FGF12: variants seen among roughly 807,000 people sequenced by gnomAD.
FGF12 encodes fibroblast growth factor 12, also known as fibroblast growth factor 12B.
A neutral mutation model predicts 23.6 loss-of-function variants in FGF12; 14 were observed. The observed-to-expected ratio is 0.59, with a 90% CI of 0.39 to 0.93. The LOEUF is 0.93. Among genes scored for constraint, FGF12 ranks in the 40% least tolerant of loss-of-function variants. FGF12 has a pLI of 0.00. For synonymous variants in FGF12, 62 were observed against 77.3 expected (o/e 0.80, Z 1.04); for missense variants, 175 against 217.8 (o/e 0.80, Z 1.24).
At chr3:192,229,522 A>G (rs935410158) in intron 4 of FGF12, among the ~76,000 whole-genome samples, 2 of 152,028 alleles carry the variant, frequency 1.3e-5, no homozygotes, top group Non-Finnish European at 2.9e-5. Context: ...ATTTTTCAGA[A>G]ACTCTAAAAT....
At chr3:192,434,660 A>G (rs1341276332) in intron 2 of FGF12, among the ~76,000 whole-genome samples, 11 of 152,178 alleles carry the variant, frequency 7.2e-5, no homozygotes, top group Admixed American at 7.2e-4. Flanking sequence ...CCTTGATTAC[A>G]GTTAGAGTCT....
At chr3:192,547,658 A>G (rs966048389) in intron 2 of FGF12, among the ~76,000 whole-genome samples, 1 of 152,216 alleles carries the variant, frequency 6.6e-6, no homozygotes, top group African/African-American at 2.4e-5. Flanking sequence ...CTGAATTCAC[A>G]ACTGAATCCA....
At chr3:192,556,611 C>T (rs1711786320) in intron 2 of FGF12, among the ~76,000 whole-genome samples, 1 of 152,046 alleles carries the variant, frequency 6.6e-6, no homozygotes, top group African/African-American at 2.4e-5. Flanking sequence ...ATGGACCAAA[C>T]ATACAGAGAA....
At chr3:192,510,900 A>G (rs940632879) in intron 2 of FGF12, among the ~76,000 whole-genome samples, 35 of 152,356 alleles carry the variant, frequency 2.3e-4, no homozygotes, top group African/African-American at 8.2e-4. Flanking sequence ...TATTCCAACC[A>G]TATGGCATTC....
intron 2 of FGF12, among the ~76,000 whole-genome samples, chr3:192,510,668 G>C (rs550817981): frequency 1.3e-5 from 2 of 152,286 alleles, no homozygotes; most frequent in East Asian, 1.9e-4. Context: ...ACATGCACAA[G>C]GATGTTTATA....
At chr3:192,538,371 T>C (rs1452373545) in intron 2 of FGF12, among the ~76,000 whole-genome samples, 1 of 152,218 alleles carries the variant, frequency 6.6e-6, no homozygotes, top group African/African-American at 2.4e-5. Context: ...TTATTGAAGA[T>C]ATTGTCTTTT....
intron 3 of FGF12, among the ~76,000 whole-genome samples, chr3:192,355,310 T>C (rs1311464703): frequency 6.6e-6 from 1 of 152,222 alleles, no homozygotes; most frequent in Non-Finnish European, 1.5e-5. Flanking sequence ...ATCTTGCAGA[T>C]ATACATTTTA....
At chr3:192,533,547 A>AC (rs1280902263) in intron 2 of FGF12, among the ~76,000 whole-genome samples, 1 of 152,238 alleles carries the variant, frequency 6.6e-6, no homozygotes, top group Non-Finnish European at 1.5e-5. Context: ...GAAAAACAAC[A>AC]ACACACACAG....
At chr3:192,696,605 T>C (rs74734698) in intron 2 of FGF12, among the ~76,000 whole-genome samples, 6,184 of 152,238 alleles carry the variant, frequency 0.041, 446 homozygotes, top group African/African-American at 0.14. Context: ...GTATGAAGCC[T>C]GACTTCACTA....
At chr3:192,322,707 A>G (rs1035388927) in intron 4 of FGF12, among the ~76,000 whole-genome samples, 1 of 152,142 alleles carries the variant, frequency 6.6e-6, no homozygotes, top group African/African-American at 2.4e-5. Context: ...ACCTCTACAG[A>G]GAACTCATTT....
chr3:192,415,776 A>ACACACT (rs1048145236), intron 2 of FGF12, among the ~76,000 whole-genome samples: 4,417 of 142,634 alleles, frequency 0.031, 74 homozygotes, highest in East Asian at 0.061. Flanking sequence ...ACACACACAC[A>ACACACT]CTCATGTTCA....
At chr3:192,359,815 C>T (rs1374968041) in intron 3 of FGF12, among the ~76,000 whole-genome samples, 4 of 151,354 alleles carry the variant, frequency 2.6e-5, no homozygotes, top group African/African-American at 9.7e-5. Context: ...TTTTTAAATT[C>T]CATTTCAGGT....
At chr3:192,275,237 GT>G (rs375148953) in intron 4 of FGF12, among the ~76,000 whole-genome samples, 3 of 152,054 alleles carry the variant, frequency 2.0e-5, no homozygotes, top group African/African-American at 7.2e-5. Context: ...CCAAAACTAA[GT>G]TGTTTATTTG....
intron 2 of FGF12, among the ~76,000 whole-genome samples, chr3:192,488,307 T>C (rs1723697597): frequency 6.6e-6 from 1 of 152,028 alleles, no homozygotes; most frequent in Non-Finnish European, 1.5e-5. Context: ...TATGGAAATA[T>C]AACGTTCATC....
At chr3:192,546,987 G>A (rs1365173315) in intron 2 of FGF12, among the ~76,000 whole-genome samples, 1 of 152,072 alleles carries the variant, frequency 6.6e-6, no homozygotes, top group African/African-American at 2.4e-5. Context: ...GGAGGTTGAG[G>A]CTGCAGTGAG....
chr3:192,407,441 G>A (rs1246767162), intron 2 of FGF12, among the ~76,000 whole-genome samples: 2 of 152,120 alleles, frequency 1.3e-5, no homozygotes, highest in Non-Finnish European at 2.9e-5. Context: ...AGAGCATGAG[G>A]GAAAAATGAA....
chr3:192,418,965 A>T (rs1721438633), intron 2 of FGF12, among the ~76,000 whole-genome samples: 2 of 152,224 alleles, frequency 1.3e-5, no homozygotes. Flanking sequence ...TACCATGCAC[A>T]GTCCTGGGCC....
intron 4 of FGF12, among the ~76,000 whole-genome samples, chr3:192,176,891 T>G (rs1266894120): frequency 6.6e-6 from 1 of 152,230 alleles, no homozygotes; most frequent in African/African-American, 2.4e-5. Context: ...TGTCTCCAAC[T>G]AACACATTCC....
chr3:192,326,239 A>T (rs532274442), intron 4 of FGF12, among the ~76,000 whole-genome samples: 105 of 152,326 alleles, frequency 6.9e-4, no homozygotes, highest in African/African-American at 2.4e-3. Context: ...TAAATGTCCC[A>T]TCAAAGTATA....
Sources: gnomAD v4.1 joint callset for allele counts (sites outside exome capture counted in the v4.1 genomes callset) on GRCh38, gnomAD v4.1.1 for gene constraint, MANE v1.5 for transcripts, NCBI Gene and HGNC (gene_info 2026-07-23, HGNC 2026-07-21) for gene names.